CHRDL1: variants seen among roughly 807,000 people sequenced by gnomAD.
CHRDL1 encodes chordin like 1.
A neutral mutation model predicts 40.9 loss-of-function variants in CHRDL1; 19 were observed. That is an observed-to-expected ratio of 0.46 (90% CI 0.32 to 0.68). The LOEUF is 0.68. Among genes scored for constraint, CHRDL1 ranks in the 30% least tolerant of loss-of-function variants. CHRDL1 has a pLI of 0.03. For synonymous variants in CHRDL1, 136 were observed against 123.4 expected (o/e 1.10, Z -0.68); for missense variants, 329 against 352.1 (o/e 0.93, Z 0.53).
Position 110,700,824 on chromosome X carries a change from C to A in CHRDL1, c.542-103G>T, listed in dbSNP as rs1603155789. ...TTTTTGGTACTATGATCCCAAAGTT[C>A]TTGAAGTGTTTTTGCTTTTGTGGCT... On this transcript the variant is annotated intron_variant, in intron 6 of 11. Transcript: ENST00000372042. The A allele has an allele frequency of 1.5e-5, 8 of 539,520 alleles. No homozygotes were observed. In the East Asian group the frequency reaches 1.8e-4, roughly 12 times the overall value. 44.5% of individuals were successfully genotyped at this position (539,520 alleles called of 1,213,427 possible).
chrX:110,676,107 G>A lies in CHRDL1; in HGVS notation c.*124C>T, dbSNP rs545100038. 4.2e-4 allele frequency: 284 copies of A among 681,454 alleles called. No homozygotes were observed. In the South Asian group the frequency reaches 6.6e-3, roughly 16 times the overall value. The allele number at this position is 681,454 out of a possible 1,213,427, so 56.2% of individuals were successfully genotyped here. ...AGGAGCAAATTATGCTGTGCATGGCGTGAATAATTGACTGCATTTGAGTTT... is the reference window on the plus strand; with the variant it reads ...AGGAGCAAATTATGCTGTGCATGGCATGAATAATTGACTGCATTTGAGTTT... On this transcript the variant is annotated 3_prime_UTR_variant, in exon 12 of 12. Coordinates refer to ENST00000372042, the MANE Select transcript of CHRDL1 (RefSeq NM_001143981.2).
At chrX:110,688,544 A>T in intron 9 of CHRDL1, 50 bp downstream of exon 9, 1 of 871,074 alleles carries the variant, frequency 1.1e-6, no homozygotes, top group Non-Finnish European at 1.7e-6. Flanking sequence ...GTTTAGAAAG[A>T]CTAGGTGAGA....
chrX:110,772,499 CA>C (rs2089776665), intron 2 of CHRDL1, among the ~76,000 whole-genome samples: 1 of 112,390 alleles, frequency 8.9e-6, no homozygotes, highest in Non-Finnish European at 1.9e-5. Flanking sequence ...ATTAGCCAGG[CA>C]TGGCGGCACA....
chrX:110,754,476 A>G (rs748445775), intron 4 of CHRDL1, among the ~76,000 whole-genome samples: 1 of 112,425 alleles, frequency 8.9e-6, no homozygotes, highest in East Asian at 2.8e-4. Flanking sequence ...TGTGGCAGAA[A>G]TGCCTGTGTT....
intron 8 of CHRDL1, among the ~76,000 whole-genome samples, chrX:110,690,829 T>C (rs1014420405): frequency 7.2e-5 from 8 of 111,706 alleles, no homozygotes; most frequent in African/African-American, 2.6e-4. Flanking sequence ...TGATCACTGC[T>C]TGCTTCACAG....
intron 2 of CHRDL1, among the ~76,000 whole-genome samples, chrX:110,765,500 A>C (rs1381925011): frequency 8.9e-6 from 1 of 111,908 alleles, no homozygotes; most frequent in Non-Finnish European, 1.9e-5. Flanking sequence ...ACGAGGATCC[A>C]GTTTCATTCT....
intron 7 of CHRDL1, among the ~76,000 whole-genome samples, chrX:110,696,294 A>G (rs190996442): frequency 1.8e-5 from 2 of 111,560 alleles, no homozygotes; most frequent in East Asian, 5.6e-4. Context: ...GGGACATATA[A>G]TAATGGTAGG....
At chrX:110,791,180 A>G (rs747319836) in intron 2 of CHRDL1, among the ~76,000 whole-genome samples, 35 of 111,380 alleles carry the variant, frequency 3.1e-4, no homozygotes, top group Non-Finnish European at 5.7e-4. Context: ...GCTCCTTCTC[A>G]TGAATAAGTT....
intron 4 of CHRDL1, among the ~76,000 whole-genome samples, chrX:110,724,869 A>G (rs2071027533): frequency 8.9e-6 from 1 of 111,823 alleles, no homozygotes; most frequent in Non-Finnish European, 1.9e-5. Flanking sequence ...TGCAGAAGGA[A>G]GAAAAACCAC....
At chrX:110,697,337 T>C in intron 7 of CHRDL1, among the ~76,000 whole-genome samples, 1 of 110,311 alleles carries the variant, frequency 9.1e-6, no homozygotes, top group Middle Eastern at 4.6e-3. Context: ...GAAAGGGCCC[T>C]CATGTTTGTG....
chrX:110,714,137 T>C (rs1000518431), intron 6 of CHRDL1, among the ~76,000 whole-genome samples: 1 of 111,482 alleles, frequency 9.0e-6, no homozygotes, highest in Non-Finnish European at 1.9e-5. Context: ...GTTGTACAGA[T>C]TCTTTCCTGC....
chrX:110,758,136 A>AC (rs1569479826), intron 4 of CHRDL1, among the ~76,000 whole-genome samples: 1 of 109,863 alleles, frequency 9.1e-6, no homozygotes, highest in African/African-American at 3.3e-5. Flanking sequence ...AAAACAAAAA[A>AC]AAAAAAAACA....
chrX:110,707,192 T>C (rs2070656431), intron 6 of CHRDL1, among the ~76,000 whole-genome samples: 1 of 111,804 alleles, frequency 8.9e-6, no homozygotes, highest in Admixed American at 9.5e-5. Context: ...GAAACTAGTA[T>C]AAGGATTCTC....
chrX:110,727,513 G>C (rs2071079725), intron 4 of CHRDL1, among the ~76,000 whole-genome samples: 1 of 111,850 alleles, frequency 8.9e-6, no homozygotes, highest in African/African-American at 3.3e-5. Flanking sequence ...AATATATAAA[G>C]AGCTTCTATA....
chrX:110,682,289 T>C (rs1403580980), intron 9 of CHRDL1, among the ~76,000 whole-genome samples: 1 of 112,191 alleles, frequency 8.9e-6, no homozygotes, highest in African/African-American at 3.2e-5. Context: ...AGATTAGCCA[T>C]ATGTATGCTA....
At chrX:110,679,516 T>A in intron 10 of CHRDL1, 91 bp from the exon 11 acceptor site, 1 of 602,418 alleles carries the variant, frequency 1.7e-6, no homozygotes, top group Non-Finnish European at 2.8e-6. Flanking sequence ...GCATATCATT[T>A]CATTACTAGG....
At chrX:110,755,668 A>G (rs1226518526) in intron 4 of CHRDL1, among the ~76,000 whole-genome samples, 1 of 112,104 alleles carries the variant, frequency 8.9e-6, no homozygotes, top group Non-Finnish European at 1.9e-5. Context: ...TCGTCTTTTT[A>G]TACGGAGCTT....
At chrX:110,783,304 A>C (rs745816758) in intron 2 of CHRDL1, among the ~76,000 whole-genome samples, 1 of 111,202 alleles carries the variant, frequency 9.0e-6, no homozygotes, top group Admixed American at 9.6e-5. Context: ...CAGGTGATCC[A>C]CCCACCTCAC....
At chrX:110,697,813 TCC>T (rs2070420531) in intron 7 of CHRDL1, among the ~76,000 whole-genome samples, 2 of 31,157 alleles carry the variant, frequency 6.4e-5, no homozygotes, top group Admixed American at 4.5e-4. Context: ...ACCACACCAC[TCC>T]ACACACACAC....
Sources: gnomAD v4.1 joint callset for allele counts (sites outside exome capture counted in the v4.1 genomes callset) on GRCh38, gnomAD v4.1.1 for gene constraint, MANE v1.5 for transcripts, NCBI Gene and HGNC (gene_info 2026-07-23, HGNC 2026-07-21) for gene names.